VPS37A: variants seen among roughly 807,000 people sequenced by gnomAD.
The protein encoded by VPS37A is VPS37A subunit of ESCRT-I.
VPS37A carries 30 observed loss-of-function variants against 49.8 expected under a neutral mutation model. That is an observed-to-expected ratio of 0.60 (90% confidence interval 0.45 to 0.82). VPS37A has a LOEUF of 0.82. Among genes scored for constraint, VPS37A ranks in the 40% least tolerant of loss-of-function variants. The pLI is 0.00. For synonymous variants in VPS37A, 195 were observed against 160.6 expected (o/e 1.21, Z -1.62); for missense variants, 593 against 464.4 (o/e 1.28, Z -2.55).
At chr8:17,307,361 G>A (rs1204071965), downstream of VPS37A, among the ~76,000 whole-genome samples, 2 of 152,144 alleles carry the variant, frequency 1.3e-5, no homozygotes, top group African/African-American at 2.4e-5. Flanking sequence ...AGTTAGAATG[G>A]CGATCATTAA....
chr8:17,274,791 C>T lies in VPS37A; in HGVS notation c.475C>T (p.Pro159Ser). The T allele has an allele frequency of 1.2e-6, 2 of 1,614,134 alleles. No individual in the cohort carries two copies. Among genetic ancestry groups the T allele is most frequent in the Non-Finnish European group, 1.7e-6 (2 of 1,180,008 alleles). ...TGCTTCTCAGGGTTTTCCATTTCTT[C>T]CTCCATATCCTCCACAAGAAGCAAA... Reference protein sequence around the residue: ...PYASQGFPFLPPYPPQEANRS... With the variant: ...PYASQGFPFLSPYPPQEANRS... Residue 159 changes from proline to serine, a missense_variant, in exon 5 of 12, where the codon CCT (proline) becomes TCT (serine). Pro to Ser is a moderately conservative substitution (Grantham distance 74). Transcript: ENST00000324849.
At chr8:17,268,444 A>T in intron 3 of VPS37A, 72 bp downstream of exon 3, 2 of 1,154,146 alleles carry the variant, frequency 1.7e-6, no homozygotes, top group Non-Finnish European at 2.5e-6. Flanking sequence ...TATTTTAGAA[A>T]TCTGAAATGC....
intron 11 of VPS37A, among the ~76,000 whole-genome samples, chr8:17,287,674 T>C (rs1308329913): frequency 6.6e-6 from 1 of 150,758 alleles, no homozygotes; most frequent in Non-Finnish European, 1.5e-5. Context: ...CAAGACTCTG[T>C]CTCAAAAAAA....
chr8:17,283,309 C>T (rs1327261938), intron 9 of VPS37A, among the ~76,000 whole-genome samples: 1 of 152,072 alleles, frequency 6.6e-6, no homozygotes, highest in Non-Finnish European at 1.5e-5. Flanking sequence ...GTGCATGCCA[C>T]CACACCTGGC....
At chr8:17,253,965 C>T (rs1812204760) in intron 1 of VPS37A, among the ~76,000 whole-genome samples, 1 of 152,024 alleles carries the variant, frequency 6.6e-6, no homozygotes, top group African/African-American at 2.4e-5. Flanking sequence ...CTTTTTCATT[C>T]TTATATCAGT....
chr8:17,303,376 C>T (rs949124513), downstream of VPS37A, among the ~76,000 whole-genome samples: 1 of 151,898 alleles, frequency 6.6e-6, no homozygotes, highest in African/African-American at 2.4e-5. Context: ...CCTTGAGAAA[C>T]GAAATCTATA....
At chr8:17,305,032 G>C (rs982649222), downstream of VPS37A, among the ~76,000 whole-genome samples, 1 of 152,064 alleles carries the variant, frequency 6.6e-6, no homozygotes, top group Non-Finnish European at 1.5e-5. Flanking sequence ...CAAGAAAACA[G>C]GTGACCCTAA....
chr8:17,255,553 ATTG>A (rs1812368899), intron 1 of VPS37A, among the ~76,000 whole-genome samples: 1 of 152,084 alleles, frequency 6.6e-6, no homozygotes, highest in Non-Finnish European at 1.5e-5. Context: ...GTGATAAATT[ATTG>A]TTTATTCTGT....
intron 10 of VPS37A, among the ~76,000 whole-genome samples, chr8:17,285,412 G>A (rs1815498610): frequency 6.6e-6 from 1 of 152,112 alleles, no homozygotes; most frequent in African/African-American, 2.4e-5. Flanking sequence ...AACAGTTTCT[G>A]TTCTGTTCTG....
At chr8:17,317,828 T>C in the VPS37A span, among the ~76,000 whole-genome samples, 1 of 152,232 alleles carries the variant, frequency 6.6e-6, no homozygotes, top group Non-Finnish European at 1.5e-5. Context: ...GCATTACTTA[T>C]CACTCATCCA....
the VPS37A span, among the ~76,000 whole-genome samples, chr8:17,320,891 G>C: frequency 6.6e-6 from 1 of 152,192 alleles, no homozygotes; most frequent in Admixed American, 6.5e-5. Context: ...CCCAGGCCAT[G>C]CCCCAAAGTG....
intron 10 of VPS37A, 100 bp from the exon 11 acceptor site, chr8:17,286,247 A>T: frequency 1.1e-6 from 1 of 890,826 alleles, no homozygotes; most frequent in Non-Finnish European, 1.7e-6. Context: ...AACATAAAAT[A>T]ATGCCAACAA....
At chr8:17,294,251 GT>G (rs1232990554) in intron 11 of VPS37A, among the ~76,000 whole-genome samples, 1 of 152,184 alleles carries the variant, frequency 6.6e-6, no homozygotes, top group East Asian at 1.9e-4. Flanking sequence ...TGTTTACACT[GT>G]GAGGGGAAAA....
chr8:17,304,033 A>G (rs1407027126), downstream of VPS37A, among the ~76,000 whole-genome samples: 1 of 152,178 alleles, frequency 6.6e-6, no homozygotes, highest in Non-Finnish European at 1.5e-5. Flanking sequence ...CAACCTTAAC[A>G]CGTCATGATC....
chr8:17,303,034 C>A (rs919880826), downstream of VPS37A, among the ~76,000 whole-genome samples: 3 of 151,936 alleles, frequency 2.0e-5, no homozygotes, highest in African/African-American at 7.2e-5. Flanking sequence ...TTATCCTACA[C>A]AAAAAAGCAA....
the VPS37A span, among the ~76,000 whole-genome samples, chr8:17,320,705 C>T: frequency 6.6e-6 from 1 of 152,210 alleles, no homozygotes; most frequent in South Asian, 2.1e-4. Context: ...TTCTGGAGAT[C>T]TGATGCCTTG....
intron 1 of VPS37A, among the ~76,000 whole-genome samples, chr8:17,252,594 G>A (rs1407058464): frequency 6.6e-6 from 1 of 152,130 alleles, no homozygotes; most frequent in Non-Finnish European, 1.5e-5. Context: ...CTTTTAAAAT[G>A]GAAAATCTGG....
At chr8:17,304,511 T>C (rs1264201826), downstream of VPS37A, 12 of 1,613,050 alleles carry the variant, frequency 7.4e-6, no homozygotes, top group Admixed American at 1.8e-4. Context: ...GTATGTTCTT[T>C]CTTGAATCCT....
chr8:17,302,504 G>C, downstream of VPS37A: 1 of 459,518 alleles, frequency 2.2e-6, no homozygotes, highest in Non-Finnish European at 3.8e-6. Flanking sequence ...AAGTCTGCCT[G>C]TATATATGAA....
Sources: allele counts gnomAD v4.1 joint callset (sites outside exome capture counted in the v4.1 genomes callset), GRCh38; gene constraint gnomAD v4.1.1; transcripts MANE v1.5; gene names NCBI Gene and HGNC (gene_info 2026-07-23, HGNC 2026-07-21).